The following CRISPLD2 variants were observed in gnomAD, a reference collection of about 807,000 sequenced individuals.
CRISPLD2 encodes the protein cysteine rich secretory protein LCCL domain containing 2, also known as cysteine-rich secretory protein LCCL domain-containing 2.
Under a neutral mutation model 71.1 loss-of-function variants are expected in CRISPLD2, and 47 were observed. The observed-to-expected ratio is 0.66, with a 90% confidence interval of 0.52 to 0.84. The LOEUF (loss-of-function observed/expected upper bound fraction) is 0.84. Among genes scored for constraint, CRISPLD2 ranks in the 40% least tolerant of loss-of-function variants. CRISPLD2 has a pLI of 0.00. For missense variants in CRISPLD2, 830 were observed against 651.1 expected, an observed-to-expected ratio of 1.27 and a Z score of -2.99; for synonymous variants, 317 against 250.1, an observed-to-expected ratio of 1.27 and a Z score of -2.52.
chr16:84,862,639 T>G (rs113596888), intron 6 of CRISPLD2, among the ~76,000 whole-genome samples: 4,162 of 150,756 alleles, frequency 0.028, 125 homozygotes, highest in African/African-American at 0.078. Context: ...GCATGGCTGG[T>G]CCATGGTGCT....
intron 6 of CRISPLD2, among the ~76,000 whole-genome samples, chr16:84,855,808 G>A (rs143438239): frequency 3.3e-5 from 5 of 152,200 alleles, no homozygotes; most frequent in Non-Finnish European, 5.9e-5. Flanking sequence ...ACCATCCTTC[G>A]TAAAACTGGA....
chr16:84,861,622 C>T (rs796301521), intron 6 of CRISPLD2, among the ~76,000 whole-genome samples: 5 of 152,234 alleles, frequency 3.3e-5, no homozygotes, highest in African/African-American at 7.2e-5. Context: ...TGTTAATCTC[C>T]TTTGGCAGCA....
intron 1 of CRISPLD2, among the ~76,000 whole-genome samples, chr16:84,820,833 T>C (rs1416632709): frequency 6.6e-6 from 1 of 152,160 alleles, no homozygotes; most frequent in Non-Finnish European, 1.5e-5. Context: ...GCATAACTCC[T>C]GCGTGGGGAG....
intron 14 of CRISPLD2, among the ~76,000 whole-genome samples, chr16:84,896,717 G>A (rs916819013): frequency 6.6e-6 from 1 of 152,012 alleles, no homozygotes; most frequent in African/African-American, 2.4e-5. Flanking sequence ...ATCAGGACGC[G>A]ACCCACCGTA....
rs1335930770 is a variant in CRISPLD2 at position 84,849,141 on chromosome 16, G to T, written c.360-244G>T. ...TAAGCACCTGTACCAGGTGCTGCTG[G>T]AATTGAGGGTTATTCCCCCACCTCG... On this transcript the variant is annotated intron_variant, in intron 3 of 14. Transcript: ENST00000262424. 3 of 506,312 alleles carry T rather than the reference G, an allele frequency of 5.9e-6. No individual in the cohort carries two copies. In the Admixed American group the frequency reaches 9.5e-5, roughly 16 times the overall value. 31.4% of individuals were successfully genotyped at this position (506,312 alleles called of 1,614,324 possible).
In CRISPLD2 at chr16:84,838,487, A is replaced by G. The variant is rs1479378589; in HGVS notation, c.-9A>G. ...CCGTGAGTCCCATAGTTGCTGCAGG[A>G]GTGGAGCCATGAGCTGCGTCCTGGG... is the stretch of plus-strand genomic sequence containing the variant. On this transcript the variant is annotated 5_prime_UTR_variant, in exon 2 of 15. Coordinates refer to ENST00000262424, the MANE Select transcript of CRISPLD2 (RefSeq NM_031476.4). The G allele has an allele frequency of 6.2e-7, 1 of 1,611,808 alleles. No individual in the cohort carries two copies. The highest frequency in any genetic ancestry group is 8.5e-7 in the Non-Finnish European group (1 of 1,178,356).
intron 5 of CRISPLD2, among the ~76,000 whole-genome samples, chr16:84,851,738 G>A (rs1917096102): frequency 6.6e-6 from 1 of 152,204 alleles, no homozygotes; most frequent in South Asian, 2.1e-4. Context: ...TGGCCCAGTG[G>A]CAGGTGGTGA....
chr16:84,885,878 G>A (rs919244822), intron 13 of CRISPLD2, among the ~76,000 whole-genome samples: 2 of 146,736 alleles, frequency 1.4e-5, no homozygotes, highest in African/African-American at 5.1e-5. Context: ...GAGTGCAGTG[G>A]TGCCATCACA....
At chr16:84,886,718 G>A (rs1597479783) in intron 13 of CRISPLD2, among the ~76,000 whole-genome samples, 1 of 152,280 alleles carries the variant, frequency 6.6e-6, no homozygotes, top group African/African-American at 2.4e-5. Context: ...AGCTACTTGA[G>A]AAGCTGAGGT....
At chr16:84,884,861 G>A (rs566027625) in intron 13 of CRISPLD2, among the ~76,000 whole-genome samples, 2 of 152,338 alleles carry the variant, frequency 1.3e-5, no homozygotes, top group African/African-American at 4.8e-5. Flanking sequence ...GAACCTCTTG[G>A]CAGCTCTCAA....
chr16:84,877,807 G>A (rs905020689), intron 12 of CRISPLD2, among the ~76,000 whole-genome samples: 2 of 151,994 alleles, frequency 1.3e-5, no homozygotes, highest in African/African-American at 2.4e-5. Flanking sequence ...CTGAGATCAC[G>A]CCATTGTCCT....
At chr16:84,864,178 C>G (rs959372517) in intron 6 of CRISPLD2, among the ~76,000 whole-genome samples, 1 of 152,082 alleles carries the variant, frequency 6.6e-6, no homozygotes, top group Admixed American at 6.6e-5. Context: ...ACAGAATAAC[C>G]TTGCCGTGAC....
chr16:84,900,015 A>G (rs1315641350), intron 14 of CRISPLD2, among the ~76,000 whole-genome samples: 1 of 152,106 alleles, frequency 6.6e-6, no homozygotes, highest in Non-Finnish European at 1.5e-5. Flanking sequence ...CCAAGGCCTG[A>G]GGAGGGCCCT....
In CRISPLD2 at chr16:84,877,344, G is replaced by C. The variant is rs2071528126; in HGVS notation, c.1157-94G>C. On this transcript the variant is annotated intron_variant, in intron 11 of 14. Transcript: ENST00000262424. The stretch of plus-strand genomic sequence containing the variant: ...TATTCAAGGGCCCAGGGAACCCATA[G>C]GCCCTGGTAGTCTAGTGGCCCATTG... 8.9e-6 allele frequency: 10 copies of C among 1,127,414 alleles called. No individual in the cohort carries two copies. The South Asian group carries it at 1.2e-4, about 13-fold the overall frequency. The allele number at this position is 1,127,414 out of a possible 1,614,324, so 69.8% of individuals were successfully genotyped here.
At chr16:84,903,428 C>A (rs1332353990) in intron 14 of CRISPLD2, among the ~76,000 whole-genome samples, 2 of 152,008 alleles carry the variant, frequency 1.3e-5, no homozygotes, top group African/African-American at 2.4e-5. Flanking sequence ...CCCATCTCTA[C>A]AAAAAATACA....
rs1049977654 is a variant in CRISPLD2, at chr16:84,909,112, A to G, written c.*2470A>G. On this transcript the variant is annotated 3_prime_UTR_variant, in exon 15 of 15. Transcript: ENST00000262424. ...CTAGCACCACCTCTCCTGTGTGTGGAATAGAGGCCCCTCGTGCTACCAACA... is the reference window on the plus strand; with the variant it reads ...CTAGCACCACCTCTCCTGTGTGTGGGATAGAGGCCCCTCGTGCTACCAACA... 3 of 152,598 alleles carry G rather than the reference A, an allele frequency of 2.0e-5. No individual in the cohort carries two copies. Among genetic ancestry groups the G allele is most frequent in the Non-Finnish European group, 4.4e-5 (3 of 68,056 alleles). The allele number at this position is 152,598 out of a possible 1,614,324, so 9.5% of individuals were successfully genotyped here.
At chr16:84,881,177 T>A (rs2071565612) in intron 13 of CRISPLD2, among the ~76,000 whole-genome samples, 1 of 152,224 alleles carries the variant, frequency 6.6e-6, no homozygotes, top group African/African-American at 2.4e-5. Context: ...AGATAGTTCA[T>A]TTTTCCGGCT....
At chr16:84,825,888 C>T (rs11645187) in intron 1 of CRISPLD2, among the ~76,000 whole-genome samples, 123,972 of 151,840 alleles carry the variant, frequency 0.82, 50,953 homozygotes, top group Non-Finnish European at 0.85. Context: ...GCCCAGGAGG[C>T]TGAGGCTGCA....
chr16:84,905,473 C>G (rs1038638254), intron 14 of CRISPLD2, among the ~76,000 whole-genome samples: 7 of 151,980 alleles, frequency 4.6e-5, no homozygotes, highest in Non-Finnish European at 1.0e-4. Context: ...AATCTTGGCT[C>G]ACTGCACACT....
Sources: gnomAD v4.1 joint callset for allele counts (sites outside exome capture counted in the v4.1 genomes callset) on GRCh38, gnomAD v4.1.1 for gene constraint, MANE v1.5 for transcripts, NCBI Gene and HGNC (gene_info 2026-07-23, HGNC 2026-07-21) for gene names.